Variants in SSC5D observed in about 807,000 individuals in gnomAD.
The protein encoded by SSC5D is soluble scavenger receptor cysteine-rich domain-containing protein SSC5D.
Under a neutral mutation model 104.6 loss-of-function variants are expected in SSC5D, and 106 were observed. The ratio of observed to expected loss-of-function variants is 1.01; its 90% CI spans 0.87 to 1.19. The LOEUF (loss-of-function observed/expected upper bound fraction) is 1.19. SSC5D is among the 50% of genes most tolerant of loss of function. SSC5D has a pLI of 0.00. For missense variants in SSC5D, 1,993 were observed against 2,153.8 expected (o/e 0.93, Z 1.48); for synonymous variants, 860 against 883.5 (o/e 0.97, Z 0.47).
At chr19:55,507,665 CAAAAAAAAAAAAA>C (rs61340967) in intron 12 of SSC5D, among the ~76,000 whole-genome samples, 1 of 75,966 alleles carries the variant, frequency 1.3e-5, no homozygotes, top group African/African-American at 6.0e-5. Context: ...GACTCCGTCT[CAAAAAAAAAAAAA>C]AAAAAAAAAA....
Position 55,518,264 on chromosome 19 carries a change from C to A in SSC5D, c.3988C>A (p.Pro1330Thr), listed in dbSNP as rs73059254. The A allele has an allele frequency of 1.3e-6, 2 of 1,506,890 alleles. No homozygotes were observed. The highest frequency in any genetic ancestry group is 1.2e-5 in the South Asian group (1 of 83,758). The allele number at this position is 1,506,890 out of a possible 1,614,324, so 93.3% of individuals were successfully genotyped here. The change falls in exon 14 of 14, where the codon CCT (proline) becomes ACT (threonine). Residue 1330 changes from proline (P) to threonine (T), a missense_variant. Coordinates refer to ENST00000389623, the MANE Select transcript of SSC5D (RefSeq NM_001144950.2). ...GACCCCTCACCCCACAACTCCTGACCCTTCCTCAACCCCTGTCATCACTAC... is the reference window on the plus strand; with the variant it reads ...GACCCCTCACCCCACAACTCCTGACACTTCCTCAACCCCTGTCATCACTAC... The part of the protein sequence containing the change: ...TTTPHPTTPD[P>T]SSTPVITTVS...
rs951007456 is a variant in SSC5D, at chr19:55,503,927, C to G, written c.2785+2726C>G. ...GCCTCGCACCTCGTGACGTCACAGG[C>G]GCGCTGCGCCTCCTGATTGGCCAGC... On this transcript the variant is annotated intron_variant, in intron 12 of 13. Coordinates refer to ENST00000389623, the MANE Select transcript of SSC5D (RefSeq NM_001144950.2). This position sits in a 1 kb window ranked among gnomAD's most constrained non-coding sequence, Gnocchi z 4.0. Among the ~76,000 whole-genome samples the G allele has an allele frequency of 5.9e-5, 9 of 152,338 alleles. No homozygotes were observed. In the South Asian group the frequency reaches 6.2e-4, roughly 11 times the overall value.
chr19:55,493,559 G>A (rs1291262539), intron 6 of SSC5D, 36 bp from the exon 7 acceptor site: 6 of 1,402,168 alleles, frequency 4.3e-6, no homozygotes, highest in Non-Finnish European at 4.6e-6. Context: ...ATCCACCCTC[G>A]TTTCCTGGCC....
intron 8 of SSC5D, among the ~76,000 whole-genome samples, chr19:55,495,233 A>ATATATATATATATTT (rs1555765051): frequency 5.9e-5 from 3 of 50,668 alleles, no homozygotes; most frequent in African/African-American, 2.0e-4. Flanking sequence ...ATATATATAT[A>ATATATATATATATTT]TTTTTTTTTT....
In SSC5D at chr19:55,490,003, C is replaced by T. The variant is rs1416560746; in HGVS notation, c.475+8C>T. The T allele has an allele frequency of 1.9e-6, 3 of 1,540,260 alleles. No homozygotes were observed. Among genetic ancestry groups the T allele is most frequent in the African/African-American group, 1.4e-5 (1 of 72,256 alleles). On this transcript the variant is annotated splice_region_variant and intron_variant, in intron 4 of 13. Coordinates refer to ENST00000389623, the MANE Select transcript of SSC5D (RefSeq NM_001144950.2). Reference sequence around the variant, plus strand: ...AGCCCCTGGTGACACATGGTGAGCCCAGGGGACTGCCCTGCCAACCCCCAC... The same window carrying T: ...AGCCCCTGGTGACACATGGTGAGCCTAGGGGACTGCCCTGCCAACCCCCAC...
rs1275487162 is a variant in SSC5D at position 55,488,480 on chromosome 19, G to C, written c.-110G>C. The stretch of plus-strand genomic sequence containing the variant: ...GCCCTGCCTGCTCCTCCTCGGGCCT[G>C]GGCGCCTCCAGCAGGCACTTCCCTC... On this transcript the variant is annotated 5_prime_UTR_variant, in exon 1 of 14. Transcript: ENST00000389623. 1 of 998,480 alleles carries C rather than the reference G, an allele frequency of 1.0e-6. No individual in the cohort carries two copies. Among genetic ancestry groups the C allele is most frequent in the Admixed American group, 2.1e-5 (1 of 48,708 alleles). The allele number at this position is 998,480 out of a possible 1,614,324, so 61.9% of individuals were successfully genotyped here. A position where few individuals can be genotyped will look rare whatever the true frequency, so the allele number is the denominator to read the frequency against.
chr19:55,490,099 T>G, intron 4 of SSC5D, 104 bp downstream of exon 4: 10 of 391,222 alleles, frequency 2.6e-5, no homozygotes, highest in Middle Eastern at 7.2e-4. Context: ...CGTGCCCTCC[T>G]GCCCCCACCG....
chr19:55,502,475 CTTTATT>C (rs1987531235), intron 12 of SSC5D, among the ~76,000 whole-genome samples: 1 of 151,950 alleles, frequency 6.6e-6, no homozygotes, highest in Admixed American at 6.6e-5. Flanking sequence ...GTCAGTTTCT[CTTTATT>C]TTTTTCTCCC....
Position 55,489,620 on chromosome 19 carries a change from C to T in SSC5D, c.319C>T (p.His107Tyr). 6.5e-7 allele frequency: 1 copy of T among 1,532,832 alleles called. No individual in the cohort carries two copies. Among genetic ancestry groups the T allele is most frequent in the South Asian group, 1.2e-5 (1 of 83,728 alleles). 95.0% of individuals were successfully genotyped at this position (1,532,832 alleles called of 1,614,324 possible). ...CTGCCACCACCGGGGCTGGAAGGCC[C>T]ACATCTGCTCCCACGAGGAGGACGC... The part of the protein sequence containing the change: ...GLCHHRGWKA[H>Y]ICSHEEDAGV... The change falls in exon 3 of 14, where the codon CAC (histidine) becomes TAC (tyrosine). Residue 107 changes from histidine to tyrosine, a missense_variant. Around this residue, in one of 6 missense-constraint regions of SSC5D, gnomAD observed 1,101 missense variants for 1,085.0 expected, o/e 1.01. Transcript: ENST00000389623.
chr19:55,499,695 AATGAATGAATG>A (rs1393711034), intron 9 of SSC5D, 110 bp from the exon 10 acceptor site: 12 of 803,656 alleles, frequency 1.5e-5, no homozygotes, highest in Non-Finnish European at 2.3e-5. Flanking sequence ...TGTGACAATA[AATGAATGAATG>A]ATGAATGAAT....
chr19:55,489,767 C>A, intron 3 of SSC5D, 105 bp downstream of exon 3: 1 of 1,484,550 alleles, frequency 6.7e-7, no homozygotes, highest in Non-Finnish European at 9.2e-7. Context: ...AGTTCAGAGA[C>A]ACCCAACCTC....
chr19:55,501,233 G>A lies in SSC5D; in HGVS notation c.2785+32G>A, dbSNP rs532294254. 2.2e-4 allele frequency: 330 copies of A among 1,477,182 alleles called. No individual in the cohort carries two copies. The African/African-American group carries it at 4.3e-3, about 19-fold the overall frequency. The allele number at this position is 1,477,182 out of a possible 1,614,324, so 91.5% of individuals were successfully genotyped here. On this transcript the variant is annotated intron_variant, in intron 12 of 13. Transcript: ENST00000389623. ...GGCCTGATTGGGGTGGCCATGGAGG[G>A]CCTCCATAAACCTCCATTCGCTTCC...
chr19:55,518,366 C>G lies in SSC5D; in HGVS notation c.4090C>G (p.Pro1364Ala). Residue 1364 changes from proline to alanine, a missense_variant, in exon 14 of 14, where the codon CCC becomes GCC. Physicochemically the swap from Pro to Ala is conservative, Grantham distance 27. This residue lies in a region of SSC5D where 349 missense variants were observed against 397.6 expected (regional missense o/e 0.88). Coordinates refer to ENST00000389623, the MANE Select transcript of SSC5D (RefSeq NM_001144950.2). Reference sequence around the variant, plus strand: ...ACCAACAGTCAAGCCCAGTCTGCACCCCCAGTTGACCTTCACAGCACCTGC... The same window carrying G: ...ACCAACAGTCAAGCCCAGTCTGCACGCCCAGTTGACCTTCACAGCACCTGC... ...LAPTVKPSLH[P>A]QLTFTAPAPH... 1 of 1,551,242 alleles carries G rather than the reference C, an allele frequency of 6.4e-7. No individual in the cohort carries two copies.
Position 55,518,948 on chromosome 19 carries a change from A to G in SSC5D, c.4672A>G (p.Thr1558Ala). 6.5e-7 allele frequency: 1 copy of G among 1,550,386 alleles called. No individual in the cohort carries two copies. Among genetic ancestry groups the G allele is most frequent in the Non-Finnish European group, 8.7e-7 (1 of 1,146,944 alleles). Residue 1558 changes from threonine (T) to alanine (A), a missense_variant, in exon 14 of 14, where the codon ACC becomes GCC. Coordinates refer to ENST00000389623, the MANE Select transcript of SSC5D (RefSeq NM_001144950.2). ...MAWTTSMPAP[T>A]TTTPEEEERP... ...CTGGACCACCAGCATGCCTGCACCA[A>G]CCACCACTACCCCAGAGGAAGAAGA...
At chr19:55,494,461 C>T (rs759315761) in intron 7 of SSC5D, 149 bp from the exon 8 acceptor site, 182 of 849,574 alleles carry the variant, frequency 2.1e-4, no homozygotes, top group Non-Finnish European at 3.0e-4. Context: ...ATGTGGAAAG[C>T]GTGGGCTGTG....
Position 55,518,797 on chromosome 19 carries a change from G to T in SSC5D, c.4521G>T (p.Leu1507=). 1 of 1,550,582 alleles carries T rather than the reference G, an allele frequency of 6.4e-7. No individual in the cohort carries two copies. The highest frequency in any genetic ancestry group is 8.7e-7 in the Non-Finnish European group (1 of 1,146,976). The change falls in exon 14 of 14, where the codon CTG becomes CTT. Residue 1507 remains leucine (L), a synonymous_variant. Transcript: ENST00000389623. The part of the protein sequence containing the change: ...VRDVGGQLQR[L]TQVVEQERQE... ...ATGTGGGTGGTCAGCTGCAGAGACT[G>T]ACCCAGGTCGTGGAACAGGAGCGGC... is the stretch of plus-strand genomic sequence containing the variant.
chr19:55,493,994 G>GGGCCCCCC, intron 7 of SSC5D, 82 bp downstream of exon 7: 1 of 143,312 alleles, frequency 7.0e-6, no homozygotes, highest in Non-Finnish European at 1.4e-5. Flanking sequence ...GGGCGGGGGG[G>GGGCCCCCC]TCCCTACGCG....
intron 12 of SSC5D, among the ~76,000 whole-genome samples, chr19:55,501,649 G>A (rs1214140007): frequency 1.3e-5 from 2 of 152,048 alleles, no homozygotes; most frequent in African/African-American, 4.8e-5. Flanking sequence ...TCCTTACCCT[G>A]GCCATCCCCT....
chr19:55,490,467 A>T, intron 5 of SSC5D, 59 bp downstream of exon 5: 1 of 647,818 alleles, frequency 1.5e-6, no homozygotes, highest in East Asian at 3.1e-5. Flanking sequence ...CCCAGGGCCC[A>T]GAAAAACTGA....
Sources: allele counts gnomAD v4.1 joint callset (sites outside exome capture counted in the v4.1 genomes callset), GRCh38; gene constraint gnomAD v4.1.1; regional missense constraint gnomAD v4.1.1; non-coding constraint Gnocchi (gnomAD v3.1); transcripts MANE v1.5; gene names NCBI Gene and HGNC (gene_info 2026-07-23, HGNC 2026-07-21).